The following FMNL2 variants were observed in gnomAD, a reference collection of about 807,000 sequenced individuals.
The protein encoded by FMNL2 is formin like 2.
In FMNL2, 51 loss-of-function variants were observed where a neutral mutation model predicts 130.2. The observed-to-expected ratio is 0.39, with a 90% CI of 0.31 to 0.49. The LOEUF is 0.49. Ranked by LOEUF, FMNL2 falls within the 20% of genes least tolerant of loss-of-function variation. FMNL2 has a pLI of 0.85. For missense variants in FMNL2, 977 were observed against 1,316.2 expected, an observed-to-expected ratio of 0.74 and a Z score of 3.99; for synonymous variants, 465 against 467.1, an observed-to-expected ratio of 1.00 and a Z score of 0.06.
At chr2:152,631,383 AC>A (rs1447325270) in intron 20 of FMNL2, among the ~76,000 whole-genome samples, 1 of 111,612 alleles carries the variant, frequency 9.0e-6, no homozygotes, top group Non-Finnish European at 1.8e-5. Context: ...ACAGAACGAG[AC>A]TCCATCTCAA....
rs1243374616 is a variant in FMNL2 at position 152,564,779 on chromosome 2, T to TTTTGTTTTTTG, written c.596+3747_596+3748insGTTTTTTGTTT. Reference sequence around the variant, plus strand: ...TGCGTTCTAAAATACAAGGTTGGTTTTTTTTTTTTTTTTTTTTTTAACCAA... The same window carrying TTTTGTTTTTTG: ...TGCGTTCTAAAATACAAGGTTGGTTTTTTGTTTTTTGTTTTTTTTTTTTTTTTTTTAACCAA... On this transcript the variant is annotated intron_variant, in intron 6 of 25. Coordinates refer to ENST00000288670, the MANE Select transcript of FMNL2 (RefSeq NM_052905.4). Among the ~76,000 whole-genome samples, 389 of 131,136 alleles carry TTTTGTTTTTTG rather than the reference T, an allele frequency of 3.0e-3. 2 individuals are homozygous for TTTTGTTTTTTG. The highest frequency in any genetic ancestry group is 0.011 in the African/African-American group (379 of 35,196). The allele number at this position is 131,136 out of a possible 152,430, so 86.0% of individuals were successfully genotyped here.
intron 1 of FMNL2, among the ~76,000 whole-genome samples, chr2:152,414,899 C>G (rs548127762): frequency 6.6e-6 from 1 of 152,260 alleles, no homozygotes; most frequent in East Asian, 1.9e-4. Context: ...AATACTCTTA[C>G]AAAAGATTTA....
chr2:152,494,562 C>T (rs568210198), intron 1 of FMNL2, among the ~76,000 whole-genome samples: 4 of 152,240 alleles, frequency 2.6e-5, no homozygotes, highest in South Asian at 2.1e-4. Context: ...TAAACTGCTA[C>T]GAGTTTCTCT....
chr2:152,466,711 C>T (rs1480999479), intron 1 of FMNL2, among the ~76,000 whole-genome samples: 2 of 152,154 alleles, frequency 1.3e-5, no homozygotes, highest in African/African-American at 4.8e-5. Flanking sequence ...GGGGAGAAGA[C>T]GGTGGCATAT....
intron 1 of FMNL2, among the ~76,000 whole-genome samples, chr2:152,514,126 A>C (rs1692629987): frequency 6.6e-6 from 1 of 152,172 alleles, no homozygotes; most frequent in African/African-American, 2.4e-5. Flanking sequence ...AAGTGAACTC[A>C]GGAGAATTGG....
intron 1 of FMNL2, among the ~76,000 whole-genome samples, chr2:152,435,658 G>A (rs865983958): frequency 6.6e-6 from 1 of 151,978 alleles, no homozygotes; most frequent in Non-Finnish European, 1.5e-5. Flanking sequence ...GGTCTCTAGA[G>A]CGTCTCTCTT....
chr2:152,495,826 C>T (rs1350606009), intron 1 of FMNL2, among the ~76,000 whole-genome samples: 1 of 142,950 alleles, frequency 7.0e-6, no homozygotes, highest in African/African-American at 2.6e-5. Flanking sequence ...TAGAGAATGA[C>T]GTGGATAGCT....
intron 25 of FMNL2, among the ~76,000 whole-genome samples, chr2:152,644,415 A>C (rs1034334834): frequency 5.9e-5 from 9 of 152,350 alleles, no homozygotes; most frequent in African/African-American, 2.2e-4. Flanking sequence ...CACAGCTGCA[A>C]ATCAGGCCTT....
intron 1 of FMNL2, chr2:152,390,696 C>T (rs961083207): frequency 4.0e-5 from 30 of 750,118 alleles, no homozygotes; most frequent in African/African-American, 3.6e-4. Flanking sequence ...CCTTCTTTCC[C>T]ACTCTTCTCT....
intron 18 of FMNL2, 139 bp from the exon 19 acceptor site, chr2:152,629,517 A>G: frequency 1.4e-6 from 1 of 722,066 alleles, no homozygotes; most frequent in Non-Finnish European, 2.3e-6. Flanking sequence ...TTATACTTAG[A>G]AAAAGTAGAC....
chr2:152,572,922 TA>T (rs1696260980), intron 6 of FMNL2, among the ~76,000 whole-genome samples: 1 of 152,172 alleles, frequency 6.6e-6, no homozygotes, highest in African/African-American at 2.4e-5. Flanking sequence ...ATGTACATGC[TA>T]ACCCATGGCA....
rs146335223 is a variant in FMNL2, at chr2:152,461,192, C to T, written c.118-60751C>T. On this transcript the variant is annotated intron_variant, in intron 1 of 25. Coordinates refer to ENST00000288670, the MANE Select transcript of FMNL2 (RefSeq NM_052905.4). ...TGAACTTTAAATTTCCCAGTAGCCA[C>T]GTTAGGAGATAAGAAAGAAACAGTT... Among the ~76,000 whole-genome samples the T allele has an allele frequency of 1.1e-3, 170 of 151,964 alleles. 2 individuals carry two copies. The highest frequency in any genetic ancestry group is 9.3e-3 in the Admixed American group (142 of 15,274).
chr2:152,617,389 A>G (rs1699013689), intron 13 of FMNL2, among the ~76,000 whole-genome samples, 197 bp downstream of exon 13: 2 of 152,224 alleles, frequency 1.3e-5, no homozygotes, highest in South Asian at 4.1e-4. Flanking sequence ...GTGCAATCAG[A>G]TACTGGGGGT....
chr2:152,551,078 G>A (rs887071527), intron 4 of FMNL2, among the ~76,000 whole-genome samples: 2 of 149,686 alleles, frequency 1.3e-5, no homozygotes, highest in Admixed American at 1.3e-4. Context: ...GGTGGAAGTT[G>A]CAAGTGAGCC....
At chr2:152,464,133 A>G (rs957662913) in intron 1 of FMNL2, among the ~76,000 whole-genome samples, 5 of 152,118 alleles carry the variant, frequency 3.3e-5, no homozygotes, top group African/African-American at 1.2e-4. Flanking sequence ...TAGTAGAGAC[A>G]GGGTTTCACC....
At chr2:152,574,296 C>T (rs1239106974) in intron 6 of FMNL2, among the ~76,000 whole-genome samples, 1 of 151,478 alleles carries the variant, frequency 6.6e-6, no homozygotes, top group Non-Finnish European at 1.5e-5. Flanking sequence ...ATTAGCGGGG[C>T]ATGGTGGTAC....
intron 1 of FMNL2, among the ~76,000 whole-genome samples, chr2:152,356,294 T>G (rs1682775188): frequency 6.6e-6 from 1 of 152,074 alleles, no homozygotes; most frequent in Non-Finnish European, 1.5e-5. Flanking sequence ...GGCTAATGTT[T>G]TTGTATTTTT....
chr2:152,617,022 C>G, intron 12 of FMNL2, 69 bp from the exon 13 acceptor site: 3 of 1,401,804 alleles, frequency 2.1e-6, no homozygotes, highest in Non-Finnish European at 3.0e-6. Context: ...TGGAGCTGCA[C>G]TTTCTGAGAA....
chr2:152,590,364 TC>T (rs1366935811), intron 9 of FMNL2, among the ~76,000 whole-genome samples: 2 of 152,160 alleles, frequency 1.3e-5, no homozygotes, highest in Non-Finnish European at 2.9e-5. Context: ...ACGCCTGTAA[TC>T]CCAGCACTTT....
Sources: allele counts gnomAD v4.1 joint callset (sites outside exome capture counted in the v4.1 genomes callset), GRCh38; gene constraint gnomAD v4.1.1; transcripts MANE v1.5; gene names NCBI Gene and HGNC (gene_info 2026-07-23, HGNC 2026-07-21).